LPP: variants seen among roughly 807,000 people sequenced by gnomAD.
LPP encodes lipoma-preferred partner.
LPP carries 38 observed loss-of-function variants against 60.4 expected under a neutral mutation model. That is an observed-to-expected ratio of 0.63 (90% CI 0.49 to 0.83). LPP has a LOEUF of 0.83. Among genes scored for constraint, LPP ranks in the 40% least tolerant of loss-of-function variants. The pLI is 0.00. For missense variants in LPP, 902 were observed against 783.6 expected, an observed-to-expected ratio of 1.15 and a Z score of -1.80; for synonymous variants, 328 against 290.8, an observed-to-expected ratio of 1.13 and a Z score of -1.30.
chr3:188,576,143 C>T (rs1033096353), intron 6 of LPP, among the ~76,000 whole-genome samples: 1 of 152,162 alleles, frequency 6.6e-6, no homozygotes, highest in Non-Finnish European at 1.5e-5. Flanking sequence ...AGACTTGATT[C>T]AGGAAAGGTC....
chr3:188,633,372 G>A (rs1166914293), intron 7 of LPP, among the ~76,000 whole-genome samples: 1 of 152,166 alleles, frequency 6.6e-6, no homozygotes, highest in Non-Finnish European at 1.5e-5. Flanking sequence ...AATTTGAGAA[G>A]CAAAAGCATT....
intron 7 of LPP, among the ~76,000 whole-genome samples, chr3:188,633,365 T>G (rs184861581): frequency 1.4e-4 from 22 of 152,334 alleles, no homozygotes; most frequent in Admixed American, 1.4e-3. Context: ...TTGCTGTAAT[T>G]TGAGAAGCAA....
chr3:188,760,009 G>A, intron 8 of LPP, 104 bp from the exon 9 acceptor site: 1 of 924,598 alleles, frequency 1.1e-6, no homozygotes, highest in Non-Finnish European at 1.7e-6. Context: ...AGGAGTGGTG[G>A]TTCTATTGCT....
At chr3:188,322,390 A>T (rs1414010823) in intron 2 of LPP, among the ~76,000 whole-genome samples, 1 of 152,026 alleles carries the variant, frequency 6.6e-6, no homozygotes, top group East Asian at 1.9e-4. Context: ...GCTTTATGTG[A>T]TGTCATTTTC....
intron 8 of LPP, among the ~76,000 whole-genome samples, chr3:188,754,001 A>C (rs1729235141): frequency 6.6e-6 from 1 of 152,346 alleles, no homozygotes; most frequent in African/African-American, 2.4e-5. Context: ...CAATAACCAT[A>C]GGAGATTGCA....
intron 9 of LPP, among the ~76,000 whole-genome samples, chr3:188,859,852 G>A (rs956118963): frequency 2.6e-5 from 4 of 152,120 alleles, no homozygotes; most frequent in Non-Finnish European, 4.4e-5. Flanking sequence ...GAGATTTGAT[G>A]CTATCTATTA....
intron 5 of LPP, among the ~76,000 whole-genome samples, chr3:188,504,408 C>T (rs189106668): frequency 2.5e-4 from 38 of 152,216 alleles, no homozygotes; most frequent in African/African-American, 8.7e-4. Flanking sequence ...TCAGGTAGAT[C>T]CCCCATCAGG....
chr3:188,797,680 A>G (rs1374684898), intron 9 of LPP, among the ~76,000 whole-genome samples: 1 of 152,202 alleles, frequency 6.6e-6, no homozygotes, highest in Non-Finnish European at 1.5e-5. Context: ...ATTCCAACGT[A>G]ATCTAATCTC....
chr3:188,757,348 T>C (rs906906466), intron 8 of LPP, among the ~76,000 whole-genome samples: 1 of 152,170 alleles, frequency 6.6e-6, no homozygotes, highest in Non-Finnish European at 1.5e-5. Context: ...AGCCTGACCT[T>C]TAAGGCTTTG....
intron 8 of LPP, among the ~76,000 whole-genome samples, chr3:188,721,269 C>T (rs770045612): frequency 4.0e-5 from 6 of 151,894 alleles, no homozygotes; most frequent in South Asian, 2.1e-4. Flanking sequence ...TTTAAAAATA[C>T]GGCTGGAATT....
intron 9 of LPP, among the ~76,000 whole-genome samples, chr3:188,817,222 G>A (rs1752701899): frequency 6.6e-6 from 1 of 152,182 alleles, no homozygotes; most frequent in African/African-American, 2.4e-5. Flanking sequence ...GGTGATCATA[G>A]CAGTGGGGTT....
chr3:188,492,526 T>C (rs913313522), intron 5 of LPP, among the ~76,000 whole-genome samples: 3 of 152,014 alleles, frequency 2.0e-5, no homozygotes, highest in African/African-American at 7.2e-5. Context: ...TGAAACCCCA[T>C]TGTTACTAAA....
intron 7 of LPP, among the ~76,000 whole-genome samples, chr3:188,620,937 T>C (rs763625184): frequency 5.3e-5 from 8 of 152,182 alleles, no homozygotes; most frequent in Non-Finnish European, 1.0e-4. Flanking sequence ...CAGGCACTCA[T>C]GAATAAATGA....
chr3:188,786,381 TCAAA>T (rs1741882716), intron 9 of LPP, among the ~76,000 whole-genome samples: 1 of 19,772 alleles, frequency 5.1e-5, no homozygotes, highest in South Asian at 2.3e-3. Flanking sequence ...AGACTCCGTC[TCAAA>T]AAAAAAAAAA....
chr3:188,421,953 T>A (rs899657932), intron 4 of LPP, among the ~76,000 whole-genome samples: 1 of 152,164 alleles, frequency 6.6e-6, no homozygotes, highest in Non-Finnish European at 1.5e-5. Context: ...GTGATAATTG[T>A]TTGTGAAACT....
At chr3:188,266,344 G>A (rs1735528911) in intron 2 of LPP, among the ~76,000 whole-genome samples, 1 of 152,150 alleles carries the variant, frequency 6.6e-6, no homozygotes, top group Non-Finnish European at 1.5e-5. Context: ...ATTCCAACTG[G>A]GCTTTCTGCC....
At chr3:188,311,187 GCTCT>G (rs10662292) in intron 2 of LPP, among the ~76,000 whole-genome samples, 5 of 148,344 alleles carry the variant, frequency 3.4e-5, no homozygotes, top group Admixed American at 6.7e-5. Context: ...TATTTTATAT[GCTCT>G]CTCTCTCTCT....
At position 188,174,653 on chromosome 3, in the gene LPP, G is replaced by A. The variant is rs566101815; in HGVS notation, c.-190+20401G>A. On this transcript the variant is annotated intron_variant, in intron 1 of 11. Coordinates refer to ENST00000617246, the MANE Select transcript of LPP (RefSeq NM_001375462.1). The stretch of plus-strand genomic sequence containing the variant: ...TGCCATTTATGGTCTTATTGAAGGG[G>A]GCCAGCTGACTTCTGAAACCTCATC... Among the ~76,000 whole-genome samples the A allele has an allele frequency of 1.5e-3, 226 of 152,214 alleles. 1 individual carries two copies. The highest frequency in any genetic ancestry group is 5.3e-3 in the African/African-American group (219 of 41,538).
At chr3:188,602,275 T>C (rs1215047273) in intron 6 of LPP, among the ~76,000 whole-genome samples, 1 of 146,250 alleles carries the variant, frequency 6.8e-6, no homozygotes, top group African/African-American at 2.5e-5. Flanking sequence ...GGATGAGGAA[T>C]GGAGATATGG....
Sources: gnomAD v4.1 joint callset for allele counts (sites outside exome capture counted in the v4.1 genomes callset) on GRCh38, gnomAD v4.1.1 for gene constraint, MANE v1.5 for transcripts, NCBI Gene and HGNC (gene_info 2026-07-23, HGNC 2026-07-21) for gene names.